EDA: variants seen among roughly 807,000 people sequenced by gnomAD.
EDA encodes the protein ectodysplasin-A.
In EDA, 2 loss-of-function variants were observed where a neutral mutation model predicts 23.6. That is an observed-to-expected ratio of 0.08 (90% CI 0.03 to 0.27). The LOEUF (loss-of-function observed/expected upper bound fraction) is 0.27. EDA is among the 10% of genes least tolerant of loss of function. EDA has a pLI of 1.00. For synonymous variants in EDA, 131 were observed against 132.0 expected (o/e 0.99, Z 0.05); for missense variants, 229 against 324.2 (o/e 0.71, Z 2.26).
chrX:69,921,367 G>A (rs2018429451), intron 1 of EDA, among the ~76,000 whole-genome samples: 1 of 111,617 alleles, frequency 9.0e-6, no homozygotes, highest in African/African-American at 3.3e-5. Context: ...ACTAGCCCAT[G>A]TATGTATACA....
chrX:69,916,766 A>T (rs919345182), intron 1 of EDA, among the ~76,000 whole-genome samples: 2 of 110,448 alleles, frequency 1.8e-5, no homozygotes, highest in Non-Finnish European at 1.9e-5. Context: ...GAAAGTACCT[A>T]GTATGGTGCC....
At chrX:69,968,308 G>A (rs1341609476) in intron 2 of EDA, among the ~76,000 whole-genome samples, 1 of 111,880 alleles carries the variant, frequency 8.9e-6, no homozygotes, top group Admixed American at 9.5e-5. Context: ...CATATATGAC[G>A]AATTAGGTGA....
chrX:69,804,740 C>T (rs1480950848), intron 1 of EDA, among the ~76,000 whole-genome samples: 1 of 111,027 alleles, frequency 9.0e-6, no homozygotes, highest in Non-Finnish European at 1.9e-5. Context: ...GGACTCCTTC[C>T]AAACTCTGAA....
intron 1 of EDA, among the ~76,000 whole-genome samples, chrX:69,818,156 A>C (rs1429053275): frequency 8.9e-6 from 1 of 111,957 alleles, no homozygotes; most frequent in Non-Finnish European, 1.9e-5. Flanking sequence ...GAAGTCAAGA[A>C]GTTCTTTGAA....
intron 1 of EDA, among the ~76,000 whole-genome samples, chrX:69,805,189 A>C (rs780112627): frequency 9.0e-6 from 1 of 111,310 alleles, no homozygotes; most frequent in African/African-American, 3.3e-5. Flanking sequence ...CAAGAAATCT[A>C]GGAGAAGCTT....
intron 1 of EDA, among the ~76,000 whole-genome samples, chrX:69,836,556 A>G (rs970895154): frequency 1.8e-5 from 2 of 112,531 alleles, no homozygotes; most frequent in African/African-American, 6.4e-5. Flanking sequence ...ATTGGAGAGA[A>G]TCTTCTTGTC....
At chrX:69,876,484 A>G (rs1329186025) in intron 1 of EDA, among the ~76,000 whole-genome samples, 2 of 111,859 alleles carry the variant, frequency 1.8e-5, no homozygotes, top group South Asian at 7.5e-4. Flanking sequence ...TAAAAATTAT[A>G]CTATTCTGAG....
At chrX:69,696,964 G>C (rs928227552) in intron 1 of EDA, among the ~76,000 whole-genome samples, 3 of 112,039 alleles carry the variant, frequency 2.7e-5, no homozygotes, top group African/African-American at 9.7e-5. Flanking sequence ...TGCAGTTTCA[G>C]TTATCTGCGA....
rs758577811 is a variant in EDA at position 69,848,884 on chromosome X, A to G, written c.397-108143A>G. ...AGCCGTCATATGTGAGTCCTACTCCATAGTGATTTCACCTTTCTTTTAAGG... is the reference window on the plus strand; with the variant it reads ...AGCCGTCATATGTGAGTCCTACTCCGTAGTGATTTCACCTTTCTTTTAAGG... On this transcript the variant is annotated intron_variant, in intron 1 of 7. Transcript: ENST00000374552. 1.2e-4 allele frequency among the ~76,000 whole-genome samples: 13 copies of G among 111,227 alleles called. No homozygotes were observed. In the South Asian group the frequency reaches 5.0e-3, roughly 42 times the overall value.
chrX:69,663,936 G>A (rs1217558739), intron 1 of EDA, among the ~76,000 whole-genome samples: 1 of 112,115 alleles, frequency 8.9e-6, no homozygotes, highest in Non-Finnish European at 1.9e-5. Context: ...CTTCGTTTTG[G>A]CCATTTCTTC....
At chrX:69,896,873 T>C (rs1281172077) in intron 1 of EDA, among the ~76,000 whole-genome samples, 1 of 111,959 alleles carries the variant, frequency 8.9e-6, no homozygotes, top group Non-Finnish European at 1.9e-5. Flanking sequence ...AAACTATATT[T>C]ACCTTAATTT....
intron 3 of EDA, among the ~76,000 whole-genome samples, chrX:70,024,677 T>C (rs1360626045): frequency 8.9e-6 from 1 of 112,208 alleles, no homozygotes; most frequent in Non-Finnish European, 1.9e-5. Flanking sequence ...ACATGGTGAA[T>C]AGGCACATGC....
At chrX:69,772,108 A>T (rs1268468944) in intron 1 of EDA, among the ~76,000 whole-genome samples, 1 of 111,062 alleles carries the variant, frequency 9.0e-6, no homozygotes, top group East Asian at 2.8e-4. Flanking sequence ...ACACACCACC[A>T]TGCCTGGCTA....
intron 1 of EDA, among the ~76,000 whole-genome samples, chrX:69,731,163 GT>G (rs2013008955): frequency 9.0e-6 from 1 of 111,377 alleles, no homozygotes; most frequent in African/African-American, 3.3e-5. Context: ...GTATTCCACT[GT>G]TGTCTTTTTA....
rs374491553 is a variant in EDA at position 69,788,646 on chromosome X, C to T, written c.397-168381C>T. Reference sequence around the variant, plus strand: ...GAGCCACTTGAGGAGGCAGTCTGCCCGTTCTCAGATCTCCAGCTGCGTGCT... The same window carrying T: ...GAGCCACTTGAGGAGGCAGTCTGCCTGTTCTCAGATCTCCAGCTGCGTGCT... On this transcript the variant is annotated intron_variant, in intron 1 of 7. Transcript: ENST00000374552. Among the ~76,000 whole-genome samples the T allele has an allele frequency of 3.9e-3, 435 of 112,313 alleles. 12 individuals carry two copies. In the South Asian group the frequency reaches 0.087, roughly 22 times the overall value.
intron 1 of EDA, among the ~76,000 whole-genome samples, chrX:69,955,909 C>T (rs928134823): frequency 8.9e-6 from 1 of 112,027 alleles, no homozygotes; most frequent in Non-Finnish European, 1.9e-5. Flanking sequence ...CACAGTAAAG[C>T]ACTCATGCTA....
chrX:69,714,468 C>A (rs2012235250), intron 1 of EDA, among the ~76,000 whole-genome samples: 1 of 111,633 alleles, frequency 9.0e-6, no homozygotes, highest in African/African-American at 3.2e-5. Flanking sequence ...AGTCTAAGAA[C>A]TCTTTGCCTC....
intron 2 of EDA, among the ~76,000 whole-genome samples, chrX:70,007,085 G>A (rs953111864): frequency 1.8e-5 from 2 of 111,543 alleles, no homozygotes; most frequent in African/African-American, 6.5e-5. Context: ...GTCTATTTCT[G>A]TTCCATTAAT....
chrX:69,778,747 A>T (rs1233207951), intron 1 of EDA, among the ~76,000 whole-genome samples: 2 of 111,333 alleles, frequency 1.8e-5, no homozygotes, highest in African/African-American at 6.5e-5. Context: ...TGCTGTCCCA[A>T]GTTTTCTTAG....
Sources: gnomAD v4.1 joint callset for allele counts (sites outside exome capture counted in the v4.1 genomes callset) on GRCh38, gnomAD v4.1.1 for gene constraint, MANE v1.5 for transcripts, NCBI Gene and HGNC (gene_info 2026-07-23, HGNC 2026-07-21) for gene names.